The following TTC28 variants were observed in gnomAD, a reference collection of about 807,000 sequenced individuals.
TTC28 encodes the protein tetratricopeptide repeat domain 28.
TTC28 carries 61 observed loss-of-function variants against 198.0 expected under a neutral mutation model. The observed-to-expected ratio is 0.31, with a 90% CI of 0.25 to 0.38. The LOEUF (loss-of-function observed/expected upper bound fraction) is 0.38. Among genes scored for constraint, TTC28 ranks in the 10% least tolerant of loss-of-function variants. The pLI, the probability that TTC28 is intolerant of heterozygous loss-of-function variation, is 1.00. For missense variants in TTC28, 2,678 were observed against 3,164.0 expected (o/e 0.85, Z 3.69); for synonymous variants, 1,171 against 1,297.8 (o/e 0.90, Z 2.10).
At chr22:28,094,947 A>C (rs1941928369) in intron 11 of TTC28, among the ~76,000 whole-genome samples, 1 of 152,200 alleles carries the variant, frequency 6.6e-6, no homozygotes, top group Non-Finnish European at 1.5e-5. Context: ...TCAGAGCCTC[A>C]TTAAGAGCAA....
intron 2 of TTC28, among the ~76,000 whole-genome samples, chr22:28,356,601 G>T (rs1290909486): frequency 1.3e-5 from 2 of 152,310 alleles, no homozygotes; most frequent in East Asian, 3.9e-4. Context: ...AGGGCACTGT[G>T]GACTTTCACA....
At chr22:28,176,127 C>T (rs1429627342) in intron 5 of TTC28, among the ~76,000 whole-genome samples, 2 of 152,096 alleles carry the variant, frequency 1.3e-5, no homozygotes, top group African/African-American at 4.8e-5. Context: ...TTCACTGTAG[C>T]ACTATTTACA....
intron 2 of TTC28, among the ~76,000 whole-genome samples, chr22:28,608,663 G>T (rs2074655403): frequency 6.6e-6 from 1 of 152,116 alleles, no homozygotes; most frequent in Admixed American, 6.6e-5. Context: ...CTGTCCTTGA[G>T]GTTCTACATA....
intron 2 of TTC28, among the ~76,000 whole-genome samples, chr22:28,551,026 T>C (rs58858940): frequency 0.016 from 2,452 of 152,096 alleles, 86 homozygotes; most frequent in African/African-American, 0.057. Context: ...TCTAAATATA[T>C]ATGCACCTAA....
chr22:28,250,642 C>G (rs1930448927), intron 5 of TTC28, among the ~76,000 whole-genome samples: 1 of 152,122 alleles, frequency 6.6e-6, no homozygotes, highest in Non-Finnish European at 1.5e-5. Flanking sequence ...AATGTAAACT[C>G]CATATAAATA....
intron 5 of TTC28, among the ~76,000 whole-genome samples, chr22:28,293,360 G>A (rs955610396): frequency 3.9e-5 from 6 of 152,050 alleles, no homozygotes; most frequent in African/African-American, 1.4e-4. Context: ...AAGTGAAACA[G>A]GCCAGACACA....
At chr22:28,095,370 T>A (rs1205039325) in intron 11 of TTC28, among the ~76,000 whole-genome samples, 4 of 142,052 alleles carry the variant, frequency 2.8e-5, no homozygotes, top group Admixed American at 7.1e-5. Flanking sequence ...CCAGCCATCA[T>A]TTTTTTTTTT....
chr22:28,527,938 C>T (rs766040612), intron 2 of TTC28, among the ~76,000 whole-genome samples: 50 of 152,278 alleles, frequency 3.3e-4, no homozygotes, highest in Non-Finnish European at 4.9e-4. Context: ...TAGCAGGAGG[C>T]ATCATACAGC....
chr22:28,524,254 G>A (rs886167750), intron 2 of TTC28, among the ~76,000 whole-genome samples: 4 of 151,312 alleles, frequency 2.6e-5, no homozygotes, highest in Admixed American at 1.3e-4. Flanking sequence ...TCAGGAGATC[G>A]AGACCATCCC....
At chr22:28,230,007 T>C (rs1928680323) in intron 5 of TTC28, among the ~76,000 whole-genome samples, 1 of 152,062 alleles carries the variant, frequency 6.6e-6, no homozygotes, top group South Asian at 2.1e-4. Context: ...AAGCAGAATA[T>C]TTGAATAGTG....
rs983865293 is a variant in TTC28, at chr22:27,982,346, G to C, written c.7321C>G (p.Leu2441Val). The stretch of plus-strand genomic sequence containing the variant: ...CCGGCGGGCAGCGGCAGTGAGCCCA[G>C]CGAGGTGGTCTCGGTGCGCCAGTGT... ...NGHWRTETTS[L>V]GSLPLPAGPP... Residue 2441 changes from leucine to valine, a missense_variant, in exon 23 of 23, where the codon CTG becomes GTG. Around this residue, in one of 8 missense-constraint regions of TTC28, gnomAD observed 622 missense variants for 656.0 expected, o/e 0.95. Transcript: ENST00000397906. The surrounding 1 kb of genome is among the most constrained non-coding windows in gnomAD (Gnocchi z 5.2). 59 of 1,545,550 alleles carry C rather than the reference G, an allele frequency of 3.8e-5. No individual in the cohort carries two copies. The highest frequency in any genetic ancestry group is 5.2e-5 in the Non-Finnish European group (59 of 1,143,400).
At chr22:28,090,399 T>A (rs1047138959) in intron 12 of TTC28, among the ~76,000 whole-genome samples, 1 of 152,140 alleles carries the variant, frequency 6.6e-6, no homozygotes, top group Admixed American at 6.6e-5. Flanking sequence ...AAATTCTTTG[T>A]AAACATAATT....
intron 12 of TTC28, among the ~76,000 whole-genome samples, chr22:28,039,681 G>C (rs1284198699): frequency 2.0e-5 from 3 of 152,030 alleles, no homozygotes; most frequent in Non-Finnish European, 4.4e-5. Flanking sequence ...AAAAGAACTA[G>C]AGAAGGAAGA....
At chr22:28,476,058 G>C (rs919061049) in intron 2 of TTC28, among the ~76,000 whole-genome samples, 5 of 152,188 alleles carry the variant, frequency 3.3e-5, no homozygotes, top group African/African-American at 9.6e-5. Context: ...GACATACCAA[G>C]AGACACATTG....
rs2145730347 is a variant in TTC28 at position 28,279,602 on chromosome 22, T to C, written c.933+16596A>G. On this transcript the variant is annotated intron_variant, in intron 5 of 22. Coordinates refer to ENST00000397906, the MANE Select transcript of TTC28 (RefSeq NM_001145418.2). ...GTCCAGGCTGGTCTCGAACTTCTTA[T>C]CTTGTGACCCACCCACCTGGGCCTC... Among the ~76,000 whole-genome samples, 3 of 152,274 alleles carry C rather than the reference T, an allele frequency of 2.0e-5. No homozygotes were observed. The Middle Eastern group carries it at 0.01, about 518-fold the overall frequency.
At chr22:28,213,685 A>G (rs1927128060) in intron 5 of TTC28, among the ~76,000 whole-genome samples, 1 of 148,894 alleles carries the variant, frequency 6.7e-6, no homozygotes, top group Admixed American at 6.7e-5. Flanking sequence ...AATCAATATC[A>G]TGAAAATGGC....
At chr22:28,475,705 C>A (rs1318351762) in intron 2 of TTC28, among the ~76,000 whole-genome samples, 1 of 152,086 alleles carries the variant, frequency 6.6e-6, no homozygotes, top group Non-Finnish European at 1.5e-5. Flanking sequence ...GAATAAATGA[C>A]AAATTAAATG....
intron 5 of TTC28, among the ~76,000 whole-genome samples, chr22:28,185,031 G>T (rs1421851134): frequency 6.6e-6 from 1 of 152,056 alleles, no homozygotes; most frequent in Non-Finnish European, 1.5e-5. Flanking sequence ...GATAGTCATG[G>T]GACTTTAGGT....
At chr22:28,416,963 T>C (rs2047175710) in intron 2 of TTC28, among the ~76,000 whole-genome samples, 1 of 152,180 alleles carries the variant, frequency 6.6e-6, no homozygotes, top group Admixed American at 6.6e-5. Flanking sequence ...TAACTTTCCA[T>C]AAACAATTTT....
Sources: gnomAD v4.1 joint callset for allele counts (sites outside exome capture counted in the v4.1 genomes callset) on GRCh38, gnomAD v4.1.1 for gene constraint, gnomAD v4.1.1 regional missense constraint, Gnocchi (gnomAD v3.1) non-coding constraint, MANE v1.5 for transcripts, NCBI Gene and HGNC (gene_info 2026-07-23, HGNC 2026-07-21) for gene names.